PIEZO2: variants seen among roughly 807,000 people sequenced by gnomAD.
PIEZO2 encodes piezo-type mechanosensitive ion channel component 2.
A neutral mutation model predicts 337.3 loss-of-function variants in PIEZO2; 172 were observed. That is an observed-to-expected ratio of 0.51 (90% CI 0.45 to 0.58). PIEZO2 has a LOEUF of 0.58. Among genes scored for constraint, PIEZO2 ranks in the 20% least tolerant of loss-of-function variants. The probability of loss-of-function intolerance (pLI) is 0.00; values close to 1 mark genes in which losing one functional copy is unlikely to be tolerated. For missense variants in PIEZO2, 3,028 were observed against 3,391.3 expected, an observed-to-expected ratio of 0.89 and a Z score of 2.66; for synonymous variants, 1,251 against 1,228.5, an observed-to-expected ratio of 1.02 and a Z score of -0.38.
At chr18:10,914,454 TTGC>T (rs2030764343) in intron 3 of PIEZO2, among the ~76,000 whole-genome samples, 3 of 152,152 alleles carry the variant, frequency 2.0e-5, no homozygotes, top group South Asian at 4.1e-4. Flanking sequence ...GTATATAACC[TTGC>T]AGCCCCCTGC....
chr18:11,076,755 C>T (rs937104033), intron 1 of PIEZO2, among the ~76,000 whole-genome samples: 1 of 152,086 alleles, frequency 6.6e-6, no homozygotes, highest in Non-Finnish European at 1.5e-5. Flanking sequence ...CAGTATTAAA[C>T]AGTATGTCAT....
intron 2 of PIEZO2, among the ~76,000 whole-genome samples, chr18:11,030,674 C>A (rs1044760576): frequency 6.6e-6 from 1 of 152,098 alleles, no homozygotes; most frequent in Non-Finnish European, 1.5e-5. Context: ...TGACAAGGAC[C>A]CCAGGCCTCC....
chr18:10,732,787 G>A (rs1371340368), intron 35 of PIEZO2, among the ~76,000 whole-genome samples: 1 of 152,120 alleles, frequency 6.6e-6, no homozygotes, highest in African/African-American at 2.4e-5. Context: ...GTGTTAATTG[G>A]GAATTCTATC....
chr18:10,990,274 T>C (rs1399488574), intron 2 of PIEZO2, among the ~76,000 whole-genome samples: 2 of 152,210 alleles, frequency 1.3e-5, no homozygotes, highest in East Asian at 1.9e-4. Context: ...ATTTTAAATG[T>C]GTGTGAGACA....
At chr18:10,745,322 T>C (rs1343379017) in intron 30 of PIEZO2, among the ~76,000 whole-genome samples, 2 of 152,138 alleles carry the variant, frequency 1.3e-5, no homozygotes, top group African/African-American at 2.4e-5. Context: ...TCCATTAACA[T>C]GCAAATATGC....
intron 3 of PIEZO2, among the ~76,000 whole-genome samples, chr18:10,950,054 T>C (rs913779045): frequency 3.9e-5 from 6 of 152,224 alleles, no homozygotes; most frequent in Admixed American, 6.5e-5. Flanking sequence ...AAAAAATGAA[T>C]GAACCAGGTG....
chr18:10,698,356 T>C (rs2035190337), intron 44 of PIEZO2, among the ~76,000 whole-genome samples: 1 of 151,080 alleles, frequency 6.6e-6, no homozygotes, highest in Non-Finnish European at 1.5e-5. Flanking sequence ...AGCCCCATAA[T>C]TATAAAAGCT....
intron 41 of PIEZO2, among the ~76,000 whole-genome samples, chr18:10,704,938 G>A (rs1041538172): frequency 2.2e-4 from 34 of 152,112 alleles, no homozygotes; most frequent in South Asian, 2.1e-4. Flanking sequence ...TGATCCACCC[G>A]CCTCAGCCTC....
chr18:10,879,307 C>A (rs529021755), intron 4 of PIEZO2, among the ~76,000 whole-genome samples: 1 of 151,140 alleles, frequency 6.6e-6, no homozygotes, highest in East Asian at 2.0e-4. Context: ...AGGTGCATGA[C>A]AATGACGTGT....
At chr18:10,908,103 A>G (rs1221973351) in intron 4 of PIEZO2, among the ~76,000 whole-genome samples, 1 of 152,250 alleles carries the variant, frequency 6.6e-6, no homozygotes, top group Non-Finnish European at 1.5e-5. Context: ...ACGTGTATTT[A>G]TTATGAGACA....
At chr18:10,974,198 T>C (rs1225465414) in intron 3 of PIEZO2, among the ~76,000 whole-genome samples, 1 of 152,204 alleles carries the variant, frequency 6.6e-6, no homozygotes, top group African/African-American at 2.4e-5. Flanking sequence ...GATACCTTGA[T>C]TCTTGGCACT....
intron 34 of PIEZO2, among the ~76,000 whole-genome samples, chr18:10,736,090 G>C (rs1272055105): frequency 6.6e-6 from 1 of 152,190 alleles, no homozygotes. Flanking sequence ...GAAAAAACCA[G>C]AACTGTGCCA....
chr18:10,757,923 A>G (rs2037951231), intron 27 of PIEZO2, 46 bp downstream of exon 27: 1 of 1,472,996 alleles, frequency 6.8e-7, no homozygotes, highest in Non-Finnish European at 9.1e-7. Context: ...TGTAATGGAA[A>G]TGCACACATC....
At position 10,752,831 on chromosome 18, in the gene PIEZO2, C is replaced by A; in HGVS notation, c.3972G>T (p.Trp1324Cys). The A allele has an allele frequency of 6.5e-7, 1 of 1,536,986 alleles. No homozygotes were observed. The highest frequency in any genetic ancestry group is 8.7e-7 in the Non-Finnish European group (1 of 1,146,874). The stretch of plus-strand genomic sequence containing the variant: ...TGATGAAGATGATGGTGAGCACAAA[C>A]CAGAAGAGGTAGCTGAAGATGATCA... ...SKVIIFSYLF[W>C]FVLTIIFITG... The change falls in exon 28 of 56, where the codon TGG (tryptophan) becomes TGT (cysteine). Residue 1324 changes from tryptophan to cysteine, a missense_variant. Physicochemically the swap from Trp to Cys is radical, Grantham distance 215. Transcript: ENST00000674853.
intron 18 of PIEZO2, among the ~76,000 whole-genome samples, chr18:10,776,813 T>C (rs758830175): frequency 1.3e-5 from 2 of 152,214 alleles, no homozygotes; most frequent in Admixed American, 6.5e-5. Flanking sequence ...GCTTTTTTTT[T>C]CCTTCCTAGC....
intron 3 of PIEZO2, among the ~76,000 whole-genome samples, chr18:10,977,592 T>C (rs1353306354): frequency 6.6e-6 from 1 of 151,950 alleles, no homozygotes; most frequent in Admixed American, 6.6e-5. Context: ...TGGTGAAATA[T>C]AATAAATGCT....
chr18:10,736,764 G>A, intron 33 of PIEZO2, 54 bp from the exon 34 acceptor site: 2 of 1,509,866 alleles, frequency 1.3e-6, no homozygotes, highest in Non-Finnish European at 1.8e-6. Context: ...AGGAAATTGG[G>A]GGCTTATTAA....
intron 14 of PIEZO2, among the ~76,000 whole-genome samples, chr18:10,790,833 T>C (rs544807073): frequency 6.6e-6 from 1 of 151,702 alleles, no homozygotes; most frequent in Non-Finnish European, 1.5e-5. Flanking sequence ...GCCTCCTGAG[T>C]AGCTGGGACT....
In PIEZO2 at chr18:11,110,193, T is replaced by C. The variant is rs531119680; in HGVS notation, c.64+38332A>G. Among the ~76,000 whole-genome samples the C allele has an allele frequency of 6.6e-6, 1 of 152,310 alleles. No homozygotes were observed. The highest frequency in any genetic ancestry group is 1.9e-4 in the East Asian group (1 of 5,182). On this transcript the variant is annotated intron_variant, in intron 1 of 55. Transcript: ENST00000674853. The surrounding 1 kb of genome is among the most constrained non-coding windows in gnomAD (Gnocchi z 4.2). ...AGGCTGGAGTAAAGTGGTGTGATCA[T>C]AGCTCACTGCATCCTGGAATTCCTG...
Sources: allele counts gnomAD v4.1 joint callset (sites outside exome capture counted in the v4.1 genomes callset), GRCh38; gene constraint gnomAD v4.1.1; non-coding constraint Gnocchi (gnomAD v3.1); transcripts MANE v1.5; gene names NCBI Gene and HGNC (gene_info 2026-07-23, HGNC 2026-07-21).